Variants in TNS1 observed in about 807,000 individuals in gnomAD.
TNS1 encodes the protein tensin 1.
TNS1 carries 62 observed loss-of-function variants against 168.6 expected under a neutral mutation model. The ratio of observed to expected loss-of-function variants is 0.37; its 90% CI spans 0.30 to 0.45. The LOEUF is 0.45. Among genes scored for constraint, TNS1 ranks in the 20% least tolerant of loss-of-function variants. The pLI is 1.00. For missense variants in TNS1, 2,240 were observed against 2,339.4 expected, an observed-to-expected ratio of 0.96 and a Z score of 0.88; for synonymous variants, 934 against 933.2, an observed-to-expected ratio of 1.00 and a Z score of -0.02.
At chr2:217,936,849 C>T in intron 3 of TNS1, 1 of 440,392 alleles carries the variant, frequency 2.3e-6, no homozygotes. Context: ...AATAGCATCT[C>T]ATTTCATACC....
chr2:217,977,952 C>G (rs567979665), intron 3 of TNS1, among the ~76,000 whole-genome samples: 3 of 152,200 alleles, frequency 2.0e-5, no homozygotes, highest in Admixed American at 2.0e-4. Flanking sequence ...AACGCCATTT[C>G]CACCCCTAGG....
chr2:217,958,896 G>A (rs1575138459), intron 3 of TNS1, among the ~76,000 whole-genome samples: 1 of 152,190 alleles, frequency 6.6e-6, no homozygotes, highest in East Asian at 1.9e-4. Context: ...GGAGAATGAG[G>A]AACTCAAACC....
chr2:217,988,536 G>A (rs558217291), intron 2 of TNS1, among the ~76,000 whole-genome samples: 1 of 152,322 alleles, frequency 6.6e-6, no homozygotes, highest in South Asian at 2.1e-4. Flanking sequence ...AAGGAACCGT[G>A]GGGAAGGGCC....
chr2:217,935,487 GGAATCCAGACCT>G (rs1335047039), intron 3 of TNS1, among the ~76,000 whole-genome samples: 2 of 152,104 alleles, frequency 1.3e-5, no homozygotes, highest in African/African-American at 4.8e-5. Context: ...GCTCCAGCCT[GGAATCCAGACCT>G]GACCACTGCC....
intron 16 of TNS1, among the ~76,000 whole-genome samples, chr2:217,882,952 C>A (rs1484157696): frequency 9.2e-5 from 14 of 152,084 alleles, no homozygotes; most frequent in Non-Finnish European, 8.8e-5. Context: ...CAAGCCACCA[C>A]GCCCGGCTCA....
chr2:217,841,605 C>G (rs1230912776), intron 19 of TNS1, among the ~76,000 whole-genome samples: 1 of 152,082 alleles, frequency 6.6e-6, no homozygotes, highest in African/African-American at 2.4e-5. Context: ...AGCACCACAG[C>G]GTTTCCCTCT....
chr2:217,961,983 T>C (rs1419826212), intron 3 of TNS1, among the ~76,000 whole-genome samples: 6 of 152,204 alleles, frequency 3.9e-5, no homozygotes, highest in Non-Finnish European at 8.8e-5. Context: ...AAATAAGATA[T>C]TCTGCCTCAA....
chr2:218,021,016 A>G (rs1958802410), intron 1 of TNS1, among the ~76,000 whole-genome samples: 1 of 152,236 alleles, frequency 6.6e-6, no homozygotes, highest in Non-Finnish European at 1.5e-5. Flanking sequence ...TTAGATAGAA[A>G]GAACATTCTG....
intron 31 of TNS1, 79 bp downstream of exon 31, chr2:217,808,524 C>T (rs1939684608): frequency 3.0e-6 from 4 of 1,324,080 alleles, no homozygotes; most frequent in African/African-American, 1.4e-5. Flanking sequence ...CACACACACA[C>T]ACATGCACAT....
At chr2:218,013,328 G>C (rs915196744), upstream of TNS1, among the ~76,000 whole-genome samples, 3 of 151,914 alleles carry the variant, frequency 2.0e-5, no homozygotes, top group African/African-American at 7.3e-5. Flanking sequence ...CCAGGTCCCT[G>C]AGCAGAGATG....
At chr2:217,811,082 A>C (rs7577428) in intron 28 of TNS1, among the ~76,000 whole-genome samples, 3,098 of 152,208 alleles carry the variant, frequency 0.02, 109 homozygotes, top group African/African-American at 0.07. Context: ...GTCTTCTGAT[A>C]TTCTACAGGC....
At chr2:217,920,495 A>G (rs545610123) in intron 3 of TNS1, among the ~76,000 whole-genome samples, 4 of 152,134 alleles carry the variant, frequency 2.6e-5, no homozygotes, top group Non-Finnish European at 4.4e-5. Context: ...AAATATGCAC[A>G]TGCTGGGAGA....
At chr2:218,021,600 G>A (rs1187477791) in intron 1 of TNS1, among the ~76,000 whole-genome samples, 1 of 152,198 alleles carries the variant, frequency 6.6e-6, no homozygotes, top group Non-Finnish European at 1.5e-5. Flanking sequence ...ACTCCAGGGT[G>A]GATCCCGGCA....
chr2:217,893,398 GCGCA>G (rs757082537), intron 10 of TNS1, 37 bp downstream of exon 10: 5 of 1,495,274 alleles, frequency 3.3e-6, no homozygotes, highest in Middle Eastern at 2.1e-4. Flanking sequence ...ATGTGCGCGC[GCGCA>G]CACACACACA....
intron 3 of TNS1, among the ~76,000 whole-genome samples, chr2:217,971,389 T>C (rs1015089372): frequency 6.6e-6 from 1 of 152,248 alleles, no homozygotes; most frequent in African/African-American, 2.4e-5. Flanking sequence ...TCATCCACAC[T>C]GTTGCGCATA....
At chr2:217,884,303 A>G (rs1047879841) in intron 16 of TNS1, among the ~76,000 whole-genome samples, 9 of 151,920 alleles carry the variant, frequency 5.9e-5, no homozygotes, top group Non-Finnish European at 1.3e-4. Context: ...GGACAGATGG[A>G]TGGACAGACG....
At position 217,990,973 on chromosome 2, in the gene TNS1, C is replaced by A. The variant is rs1958351993; in HGVS notation, c.117G>T (p.Gln39His). Reference protein sequence around the residue: ...KKVKPCGICRQVITQEGCTCK... With the variant: ...KKVKPCGICRHVITQEGCTCK... Reference sequence around the variant, plus strand: ...AGGTGCAGCCTTCCTGGGTGATGACCTGGCGGCAGATCCCACAGGGCTTCA... The same window carrying A: ...AGGTGCAGCCTTCCTGGGTGATGACATGGCGGCAGATCCCACAGGGCTTCA... Residue 39 changes from glutamine to histidine, a missense_variant, in exon 2 of 33, where the codon CAG (glutamine) becomes CAT (histidine). By Grantham distance (24) the Gln-to-His change is conservative. This residue lies in a region of TNS1 where 2,131 missense variants were observed against 2,171.2 expected (regional missense o/e 0.98). Transcript: ENST00000682258. 2 of 690,390 alleles carry A rather than the reference C, an allele frequency of 2.9e-6. No homozygotes were observed. The highest frequency in any genetic ancestry group is 5.3e-6 in the Non-Finnish European group (2 of 375,610). 42.8% of individuals were successfully genotyped at this position (690,390 alleles called of 1,614,324 possible).
chr2:217,897,048 A>G (rs1952384589), intron 8 of TNS1, among the ~76,000 whole-genome samples: 1 of 152,208 alleles, frequency 6.6e-6, no homozygotes, highest in Non-Finnish European at 1.5e-5. Context: ...CATTTGCTAC[A>G]GTGGCCCTGG....
Position 217,847,871 on chromosome 2 carries a change from A to C in TNS1, c.2646T>G (p.His882Gln). 1 of 1,575,682 alleles carries C rather than the reference A, an allele frequency of 6.3e-7. No individual in the cohort carries two copies. The highest frequency in any genetic ancestry group is 8.7e-7 in the Non-Finnish European group (1 of 1,151,776). The change falls in exon 19 of 33, where the codon CAT (histidine) becomes CAG (glutamine). Residue 882 changes from histidine to glutamine, a missense_variant. Coordinates refer to ENST00000682258, the MANE Select transcript of TNS1 (RefSeq NM_001387777.1). ...AGCCAGATCTGGACTGGGTCAGTGG[A>C]TGGGACTGACGGGAGGATCCAGAGA... ...QPLSGSSRQS[H>Q]PLTQSRSGYI...
Sources: gnomAD v4.1 joint callset for allele counts (sites outside exome capture counted in the v4.1 genomes callset) on GRCh38, gnomAD v4.1.1 for gene constraint, gnomAD v4.1.1 regional missense constraint, MANE v1.5 for transcripts, NCBI Gene and HGNC (gene_info 2026-07-23, HGNC 2026-07-21) for gene names.